TCF12: variants seen among roughly 807,000 people sequenced by gnomAD.
TCF12 encodes the protein transcription factor 12.
In TCF12, 45 loss-of-function variants were observed where a neutral mutation model predicts 86.0. That is an observed-to-expected ratio of 0.52 (90% CI 0.41 to 0.67). The LOEUF (loss-of-function observed/expected upper bound fraction) is 0.67, where lower values mean the gene tolerates loss of function less well. Ranked by LOEUF, TCF12 falls within the 30% of genes least tolerant of loss-of-function variation. The probability of loss-of-function intolerance (pLI) is 0.00; values close to 1 mark genes in which losing one functional copy is unlikely to be tolerated. For synonymous variants in TCF12, 330 were observed against 299.6 expected, an observed-to-expected ratio of 1.10 and a Z score of -1.05; for missense variants, 881 against 859.9, an observed-to-expected ratio of 1.02 and a Z score of -0.31.
intron 3 of TCF12, among the ~76,000 whole-genome samples, chr15:57,002,014 G>A (rs1013539172): frequency 6.6e-6 from 1 of 152,188 alleles, no homozygotes; most frequent in African/African-American, 2.4e-5. Context: ...TTGAATTTGA[G>A]ATTATAGGTA....
chr15:57,081,105 T>G (rs1455323674), intron 4 of TCF12, among the ~76,000 whole-genome samples: 2 of 152,242 alleles, frequency 1.3e-5, no homozygotes, highest in Non-Finnish European at 2.9e-5. Context: ...TCCACTGTTG[T>G]GAGCACCATT....
chr15:56,944,317 T>C (rs1315934112), intron 3 of TCF12, among the ~76,000 whole-genome samples: 1 of 152,196 alleles, frequency 6.6e-6, no homozygotes, highest in Non-Finnish European at 1.5e-5. Flanking sequence ...TGGAACAGAA[T>C]TAAGTGATTG....
chr15:57,238,155 T>C (rs1426871547), intron 12 of TCF12, among the ~76,000 whole-genome samples: 1 of 152,196 alleles, frequency 6.6e-6, no homozygotes, highest in Non-Finnish European at 1.5e-5. Flanking sequence ...AGAAATGATA[T>C]ATTTTTATAC....
chr15:57,046,708 G>A (rs1191827149), intron 3 of TCF12, among the ~76,000 whole-genome samples: 3 of 152,040 alleles, frequency 2.0e-5, no homozygotes, highest in Non-Finnish European at 4.4e-5. Flanking sequence ...CACCTGCCTT[G>A]GCCTCCCCAA....
At chr15:57,024,216 C>CTTTTTTTTTTTTTTTTTTTTTTT (rs59793819) in intron 3 of TCF12, among the ~76,000 whole-genome samples, 9 of 111,292 alleles carry the variant, frequency 8.1e-5, no homozygotes, top group African/African-American at 2.8e-4. Context: ...AAAAAAGTGT[C>CTTTTTTTTTTTTTTTTTTTTTTT]TTTTTTTTTT....
intron 5 of TCF12, among the ~76,000 whole-genome samples, chr15:57,153,767 C>G (rs920400684): frequency 6.6e-6 from 1 of 151,996 alleles, no homozygotes; most frequent in African/African-American, 2.4e-5. Flanking sequence ...GTGGCTCATA[C>G]CTGTAATCCC....
At chr15:57,126,409 G>T (rs2051653693) in intron 5 of TCF12, among the ~76,000 whole-genome samples, 1 of 152,022 alleles carries the variant, frequency 6.6e-6, no homozygotes, top group African/African-American at 2.4e-5. Flanking sequence ...AACCAAAAAG[G>T]TAACTGAATT....
At chr15:57,121,478 A>G (rs1374423582) in intron 5 of TCF12, among the ~76,000 whole-genome samples, 2 of 152,216 alleles carry the variant, frequency 1.3e-5, no homozygotes, top group African/African-American at 4.8e-5. Context: ...AAATTATGAC[A>G]GAGCTTCACT....
At position 57,194,308 on chromosome 15, in the gene TCF12, G is replaced by C. The variant is rs2057137298; in HGVS notation, c.526+2015G>C. On this transcript the variant is annotated intron_variant, in intron 7 of 20. Transcript: ENST00000333725. Reference sequence around the variant, plus strand: ...CTACATTTTCACAAAACCTCTGTGAGGTTGTAATGTTAACTTCATGTTACA... The same window carrying C: ...CTACATTTTCACAAAACCTCTGTGACGTTGTAATGTTAACTTCATGTTACA... Among the ~76,000 whole-genome samples, 4 of 152,268 alleles carry C rather than the reference G, an allele frequency of 2.6e-5. No homozygotes were observed. In the South Asian group the frequency reaches 8.3e-4, roughly 32 times the overall value.
At chr15:57,093,082 A>G (rs531826944) in intron 5 of TCF12, among the ~76,000 whole-genome samples, 3 of 152,348 alleles carry the variant, frequency 2.0e-5, no homozygotes, top group Admixed American at 1.3e-4. Context: ...AAAAACTGAC[A>G]CAAGCAATAA....
At chr15:57,204,402 G>T (rs2057709808) in intron 8 of TCF12, among the ~76,000 whole-genome samples, 1 of 150,654 alleles carries the variant, frequency 6.6e-6, no homozygotes, top group South Asian at 2.1e-4. Flanking sequence ...GCTGCAGTGG[G>T]CTGTGATTTC....
At chr15:57,038,545 A>C (rs2066666916) in intron 3 of TCF12, among the ~76,000 whole-genome samples, 4 of 152,218 alleles carry the variant, frequency 2.6e-5, no homozygotes, top group Non-Finnish European at 5.9e-5. Flanking sequence ...CTTTGGCTTC[A>C]GAGTTCTAGA....
chr15:57,250,663 A>G (rs2060067432), intron 13 of TCF12, among the ~76,000 whole-genome samples: 1 of 152,032 alleles, frequency 6.6e-6, no homozygotes, highest in Admixed American at 6.6e-5. Flanking sequence ...TGGGAGGTAG[A>G]GGTTGCAGTG....
intron 4 of TCF12, among the ~76,000 whole-genome samples, chr15:57,080,827 G>A (rs553884966): frequency 6.6e-6 from 1 of 152,028 alleles, no homozygotes; most frequent in Non-Finnish European, 1.5e-5. Flanking sequence ...TTTAACATAA[G>A]GGTACTCAAC....
At chr15:57,019,255 A>C (rs1418975300) in intron 3 of TCF12, among the ~76,000 whole-genome samples, 1 of 152,182 alleles carries the variant, frequency 6.6e-6, no homozygotes, top group Non-Finnish European at 1.5e-5. Context: ...TGTTTTGAAC[A>C]GATTAGTATT....
At chr15:57,217,722 T>A (rs1379082553) in intron 8 of TCF12, among the ~76,000 whole-genome samples, 3 of 152,202 alleles carry the variant, frequency 2.0e-5, no homozygotes, top group Non-Finnish European at 4.4e-5. Context: ...TGATTCGATT[T>A]TGTTTGATTT....
chr15:57,256,032 A>G (rs2060331135), intron 16 of TCF12, among the ~76,000 whole-genome samples: 1 of 152,178 alleles, frequency 6.6e-6, no homozygotes, highest in Non-Finnish European at 1.5e-5. Flanking sequence ...AATCACTAGT[A>G]CTTTTAGTAG....
chr15:56,935,965 A>AT (rs1444272250), intron 3 of TCF12, among the ~76,000 whole-genome samples: 6 of 152,070 alleles, frequency 3.9e-5, no homozygotes, highest in Non-Finnish European at 4.4e-5. Flanking sequence ...GTGTGCAAGT[A>AT]TTTTTTTCAT....
chr15:57,109,869 G>A (rs1169651310), intron 5 of TCF12, among the ~76,000 whole-genome samples: 3 of 152,076 alleles, frequency 2.0e-5, no homozygotes, highest in African/African-American at 4.8e-5. Flanking sequence ...GCAAATGAAC[G>A]CATAAGGTAT....
Sources: gnomAD v4.1 joint callset for allele counts (sites outside exome capture counted in the v4.1 genomes callset) on GRCh38, gnomAD v4.1.1 for gene constraint, MANE v1.5 for transcripts, NCBI Gene and HGNC (gene_info 2026-07-23, HGNC 2026-07-21) for gene names.